Variants in PDLIM5 observed in about 807,000 individuals in gnomAD.
PDLIM5 encodes the protein PDZ and LIM domain protein 5.
In PDLIM5, 34 loss-of-function variants were observed where a neutral mutation model predicts 64.2. The observed-to-expected ratio is 0.53, with a 90% confidence interval of 0.40 to 0.71. The LOEUF is 0.71. Ranked by LOEUF, PDLIM5 falls within the 30% of genes least tolerant of loss-of-function variation. The probability of loss-of-function intolerance (pLI) is 0.00; values close to 1 mark genes in which losing one functional copy is unlikely to be tolerated. For missense variants in PDLIM5, 683 were observed against 733.6 expected (o/e 0.93, Z 0.80); for synonymous variants, 253 against 269.1 (o/e 0.94, Z 0.59).
rs1481544008 is a variant in PDLIM5 at position 94,545,176 on chromosome 4, A to T, written c.248+21301A>T. Among the ~76,000 whole-genome samples the T allele has an allele frequency of 3.9e-5, 6 of 152,360 alleles. No homozygotes were observed. The Middle Eastern group carries it at 0.014, about 345-fold the overall frequency. On this transcript the variant is annotated intron_variant, in intron 3 of 12. Coordinates refer to ENST00000317968, the MANE Select transcript of PDLIM5 (RefSeq NM_006457.5). ...CTAAATTAAGCATATAAATATTTTT[A>T]AAAATATAGTTCGAATGTCTGTGAT...
intron 3 of PDLIM5, among the ~76,000 whole-genome samples, chr4:94,550,700 G>T: frequency 6.6e-6 from 1 of 152,138 alleles, no homozygotes; most frequent in Non-Finnish European, 1.5e-5. Context: ...GGAATTCTGT[G>T]GTGGTCAACT....
intron 3 of PDLIM5, among the ~76,000 whole-genome samples, chr4:94,545,728 A>G (rs1243436519): frequency 6.6e-6 from 1 of 152,202 alleles, no homozygotes; most frequent in Non-Finnish European, 1.5e-5. Context: ...GGTGCTGAAT[A>G]AAACAAACTG....
chr4:94,541,748 A>T (rs1217180100), intron 3 of PDLIM5, among the ~76,000 whole-genome samples: 1 of 152,214 alleles, frequency 6.6e-6, no homozygotes, highest in Non-Finnish European at 1.5e-5. Flanking sequence ...GAGGGGGCTG[A>T]TGGAGGACAC....
chr4:94,473,000 A>C (rs1725011577), intron 2 of PDLIM5, among the ~76,000 whole-genome samples: 1 of 152,208 alleles, frequency 6.6e-6, no homozygotes, highest in South Asian at 2.1e-4. Flanking sequence ...TGGTGATAAA[A>C]TGGTATGGAG....
At chr4:94,594,672 G>T (rs1736927686) in intron 7 of PDLIM5, among the ~76,000 whole-genome samples, 1 of 151,786 alleles carries the variant, frequency 6.6e-6, no homozygotes, top group Admixed American at 6.6e-5. Context: ...TGTTTTTCTT[G>T]ATCTCACCAT....
At chr4:94,659,759 A>G (rs1477606311) in intron 11 of PDLIM5, among the ~76,000 whole-genome samples, 1 of 151,172 alleles carries the variant, frequency 6.6e-6, no homozygotes, top group Non-Finnish European at 1.5e-5. Context: ...CGATCTCCTG[A>G]CCTCGTGATC....
intron 7 of PDLIM5, chr4:94,587,522 C>T: frequency 3.4e-6 from 3 of 891,384 alleles, no homozygotes; most frequent in Non-Finnish European, 4.0e-6. Context: ...TATTATGTTA[C>T]ATTCAAAGTT....
chr4:94,461,606 T>C (rs1277268277), intron 2 of PDLIM5, among the ~76,000 whole-genome samples: 2 of 152,206 alleles, frequency 1.3e-5, no homozygotes, highest in Non-Finnish European at 2.9e-5. Context: ...TCACCTTTCT[T>C]ATTTTTTTGT....
In PDLIM5 at chr4:94,622,825, C is replaced by T. The variant is rs541978681; in HGVS notation, c.1108+4634C>T. On this transcript the variant is annotated intron_variant, in intron 8 of 12. Transcript: ENST00000317968. ...AGCTGGGACTACAGGTGCCTGCCACCACACCCAGCTAATTTTTGTATTTTT... is the reference window on the plus strand; with the variant it reads ...AGCTGGGACTACAGGTGCCTGCCACTACACCCAGCTAATTTTTGTATTTTT... Among the ~76,000 whole-genome samples, 1,422 of 152,160 alleles carry T rather than the reference C, an allele frequency of 9.3e-3. 29 individuals carry two copies. The highest frequency in any genetic ancestry group is 0.03 in the African/African-American group (1,260 of 41,512).
intron 7 of PDLIM5, among the ~76,000 whole-genome samples, chr4:94,590,656 G>A (rs192405600): frequency 2.6e-4 from 39 of 152,294 alleles, no homozygotes; most frequent in African/African-American, 9.1e-4. Context: ...TGGAAAAGGA[G>A]TCAGCCGTGT....
intron 5 of PDLIM5, among the ~76,000 whole-genome samples, chr4:94,578,339 C>T (rs1282186680): frequency 6.6e-6 from 1 of 152,132 alleles, no homozygotes; most frequent in East Asian, 1.9e-4. Context: ...AATCAATTGG[C>T]AGTGTTTATT....
chr4:94,610,241 A>G (rs1738256780), intron 7 of PDLIM5: 2 of 1,518,268 alleles, frequency 1.3e-6, no homozygotes, highest in Non-Finnish European at 1.8e-6. Flanking sequence ...CCTGCTAGAT[A>G]TAGTGCTGCA....
At chr4:94,545,098 CTATTTTGTAGTT>C (rs1247685949) in intron 3 of PDLIM5, among the ~76,000 whole-genome samples, 1 of 152,124 alleles carries the variant, frequency 6.6e-6, no homozygotes, top group Non-Finnish European at 1.5e-5. Flanking sequence ...TTAGGAATTC[CTATTTTGTAGTT>C]AGTTTACTTT....
intron 2 of PDLIM5, among the ~76,000 whole-genome samples, chr4:94,470,379 T>G (rs1724758166): frequency 6.6e-6 from 1 of 152,208 alleles, no homozygotes; most frequent in Non-Finnish European, 1.5e-5. Context: ...TGCATACACA[T>G]TCAGGAGTTG....
chr4:94,502,487 T>C (rs1324306516), intron 2 of PDLIM5, among the ~76,000 whole-genome samples: 1 of 152,244 alleles, frequency 6.6e-6, no homozygotes, highest in Admixed American at 6.5e-5. Flanking sequence ...TCTTTAGCTC[T>C]GTGACCTTAG....
At chr4:94,487,916 C>A (rs1393536993) in intron 2 of PDLIM5, among the ~76,000 whole-genome samples, 1 of 152,112 alleles carries the variant, frequency 6.6e-6, no homozygotes, top group Non-Finnish European at 1.5e-5. Flanking sequence ...TCAAGATTTA[C>A]CTAATTAGTA....
At chr4:94,567,252 C>A (rs1734424603) in intron 3 of PDLIM5, among the ~76,000 whole-genome samples, 1 of 152,166 alleles carries the variant, frequency 6.6e-6, no homozygotes, top group Non-Finnish European at 1.5e-5. Context: ...CTTGGCCTCC[C>A]AACTGTATTT....
At chr4:94,585,010 T>C in intron 5 of PDLIM5, 2 of 1,464,522 alleles carry the variant, frequency 1.4e-6, no homozygotes, top group South Asian at 2.3e-5. Context: ...AACGGTAATC[T>C]TTCTGTTGAA....
At chr4:94,549,854 A>AG in intron 3 of PDLIM5, 1 of 152,104 alleles carries the variant, frequency 6.6e-6, no homozygotes, top group East Asian at 1.9e-4. Context: ...GCTTGAACCC[A>AG]GGAGGTGGAG....
Sources: gnomAD v4.1 joint callset for allele counts (sites outside exome capture counted in the v4.1 genomes callset) on GRCh38, gnomAD v4.1.1 for gene constraint, MANE v1.5 for transcripts, NCBI Gene and HGNC (gene_info 2026-07-23, HGNC 2026-07-21) for gene names.